RAP1A: variants seen among roughly 807,000 people sequenced by gnomAD.
RAP1A encodes RAP1A, member of RAS oncogene family, also known as ras-related protein Rap-1A.
RAP1A carries 6 observed loss-of-function variants against 26.4 expected under a neutral mutation model. The observed-to-expected ratio is 0.23, with a 90% confidence interval of 0.12 to 0.45. The LOEUF (loss-of-function observed/expected upper bound fraction) is 0.45, where lower values mean the gene tolerates loss of function less well. Among genes scored for constraint, RAP1A ranks in the 20% least tolerant of loss-of-function variants. The pLI, the probability that RAP1A is intolerant of heterozygous loss-of-function variation, is 0.99. For synonymous variants in RAP1A, 73 were observed against 79.4 expected (o/e 0.92, Z 0.43); for missense variants, 121 against 217.2 (o/e 0.56, Z 2.78).
chr1:111,625,412 C>T (rs1659366610), intron 1 of RAP1A, among the ~76,000 whole-genome samples: 1 of 152,090 alleles, frequency 6.6e-6, no homozygotes, highest in Non-Finnish European at 1.5e-5. Context: ...GGACATATCC[C>T]AAATGCAGTT....
chr1:111,704,414 G>C lies in RAP1A; in HGVS notation c.396G>C (p.Gln132His). 6.2e-7 allele frequency: 1 copy of C among 1,613,990 alleles called. No individual in the cohort carries two copies. The highest frequency in any genetic ancestry group is 8.5e-7 in the Non-Finnish European group (1 of 1,179,920). ...GAGTAGTTGGCAAAGAGCAGGGCCA[G>C]AATTTAGCAAGACAGTGGTGTAACT... Reference protein sequence around the residue: ...DERVVGKEQGQNLARQWCNCA... With the variant: ...DERVVGKEQGHNLARQWCNCA... The change falls in exon 6 of 8, where the codon CAG becomes CAC. Residue 132 changes from glutamine to histidine, a missense_variant. By Grantham distance (24) the Gln-to-His change is conservative (BLOSUM62 0). Coordinates refer to ENST00000369709, the MANE Select transcript of RAP1A (RefSeq NM_002884.4).
intron 1 of RAP1A, among the ~76,000 whole-genome samples, chr1:111,557,137 G>T (rs1306264862): frequency 6.6e-6 from 1 of 152,180 alleles, no homozygotes; most frequent in East Asian, 1.9e-4. Context: ...ACAGAGGAAT[G>T]ATATTTAGAC....
intron 1 of RAP1A, among the ~76,000 whole-genome samples, chr1:111,690,902 T>C (rs1176653979): frequency 6.6e-6 from 1 of 152,214 alleles, no homozygotes; most frequent in Non-Finnish European, 1.5e-5. Flanking sequence ...CAAAATAGTA[T>C]AGAATTACTG....
intron 1 of RAP1A, among the ~76,000 whole-genome samples, chr1:111,543,414 G>A (rs527428566): frequency 2.6e-5 from 4 of 152,210 alleles, no homozygotes; most frequent in South Asian, 4.2e-4. Flanking sequence ...ACCATCTCCC[G>A]TCTATTCGCC....
chr1:111,696,175 A>T (rs922625460), intron 3 of RAP1A, among the ~76,000 whole-genome samples: 1 of 152,146 alleles, frequency 6.6e-6, no homozygotes, highest in Non-Finnish European at 1.5e-5. Flanking sequence ...GTTGTGGAAA[A>T]TTTTCAGTAT....
intron 1 of RAP1A, among the ~76,000 whole-genome samples, chr1:111,634,206 TGA>T (rs776932641): frequency 1.3e-5 from 2 of 152,306 alleles, no homozygotes; most frequent in Non-Finnish European, 2.9e-5. Flanking sequence ...TTCAAATATT[TGA>T]GAGAGTGCCC....
intron 1 of RAP1A, among the ~76,000 whole-genome samples, chr1:111,595,795 T>C (rs1553212003): frequency 6.6e-6 from 1 of 152,190 alleles, no homozygotes; most frequent in African/African-American, 2.4e-5. Context: ...AAATATTTCA[T>C]GTAAATGCTG....
intron 1 of RAP1A, among the ~76,000 whole-genome samples, chr1:111,634,613 GT>G (rs1659671354): frequency 1.3e-5 from 2 of 148,572 alleles, no homozygotes; most frequent in African/African-American, 4.9e-5. Context: ...ATATATATAT[GT>G]ATGTATGTAT....
chr1:111,588,211 G>A (rs914390904), intron 1 of RAP1A, among the ~76,000 whole-genome samples: 1 of 152,106 alleles, frequency 6.6e-6, no homozygotes, highest in African/African-American at 2.4e-5. Flanking sequence ...ACATCTGATT[G>A]GTTACTTAGG....
intron 1 of RAP1A, among the ~76,000 whole-genome samples, chr1:111,574,615 G>A (rs1658110590): frequency 6.6e-6 from 1 of 152,190 alleles, no homozygotes. Context: ...ATTTGCTTGT[G>A]TTATGTCTGA....
At chr1:111,666,056 A>G (rs2101169017) in intron 1 of RAP1A, among the ~76,000 whole-genome samples, 1 of 152,318 alleles carries the variant, frequency 6.6e-6, no homozygotes, top group East Asian at 1.9e-4. Context: ...GTGATGACTG[A>G]CAGTTTAAAC....
At chr1:111,661,139 A>G (rs11102321) in intron 1 of RAP1A, among the ~76,000 whole-genome samples, 9,177 of 152,290 alleles carry the variant, frequency 0.06, 299 homozygotes, top group East Asian at 0.065. Flanking sequence ...TAAAGCCAGA[A>G]TGGGAGTTAG....
intron 2 of RAP1A, among the ~76,000 whole-genome samples, chr1:111,692,455 A>C (rs979699142): frequency 2.0e-5 from 3 of 152,202 alleles, no homozygotes; most frequent in Non-Finnish European, 4.4e-5. Flanking sequence ...ATGTTTGAGA[A>C]TATCTGTCAT....
chr1:111,616,889 T>G (rs534393767), upstream of RAP1A, among the ~76,000 whole-genome samples: 1 of 152,332 alleles, frequency 6.6e-6, no homozygotes, highest in East Asian at 1.9e-4. Flanking sequence ...ATTTCTCACC[T>G]TCTTCTATCT....
intron 3 of RAP1A, 95 bp downstream of exon 3, chr1:111,695,504 A>G: frequency 1.3e-6 from 1 of 788,942 alleles, no homozygotes; most frequent in South Asian, 2.3e-5. Flanking sequence ...TAGTTTTGAG[A>G]AATAATACAA....
chr1:111,601,387 G>A (rs1424488815), intron 1 of RAP1A, among the ~76,000 whole-genome samples: 9 of 152,170 alleles, frequency 5.9e-5, no homozygotes, highest in Admixed American at 5.9e-4. Flanking sequence ...AGAGGAAGAT[G>A]CCAAAGACCA....
chr1:111,620,082 C>T (rs1659140997), intron 1 of RAP1A, 148 bp downstream of exon 1: 3 of 392,768 alleles, frequency 7.6e-6, no homozygotes, highest in African/African-American at 2.1e-5. Flanking sequence ...GGGCGGCGGC[C>T]CGGGGGCCTG....
At chr1:111,686,609 T>G (rs748034057) in intron 1 of RAP1A, 3 of 146,622 alleles carry the variant, frequency 2.0e-5, no homozygotes, top group Non-Finnish European at 4.4e-5. Context: ...AAGGATGACT[T>G]GAGCAAGGGA....
chr1:111,659,332 G>A (rs1179991289), intron 1 of RAP1A, among the ~76,000 whole-genome samples: 2 of 152,116 alleles, frequency 1.3e-5, no homozygotes, highest in East Asian at 3.8e-4. Context: ...TAAAAGTTAT[G>A]TGAAAGTAGT....
Sources: allele counts gnomAD v4.1 joint callset (sites outside exome capture counted in the v4.1 genomes callset), GRCh38; gene constraint gnomAD v4.1.1; transcripts MANE v1.5; gene names NCBI Gene and HGNC (gene_info 2026-07-23, HGNC 2026-07-21).